The following MICAL2 variants were observed in gnomAD, a reference collection of about 807,000 sequenced individuals.
MICAL2 encodes the protein microtubule associated monooxygenase, calponin and LIM domain containing 2.
Under a neutral mutation model 127.3 loss-of-function variants are expected in MICAL2, and 77 were observed. That is an observed-to-expected ratio of 0.60 (90% CI 0.50 to 0.73). The LOEUF is 0.73. Ranked by LOEUF, MICAL2 falls within the 30% of genes least tolerant of loss-of-function variation. The pLI is 0.00. For missense variants in MICAL2, 1,351 were observed against 1,434.4 expected (o/e 0.94, Z 0.94); for synonymous variants, 570 against 551.1 (o/e 1.03, Z -0.48).
At chr11:12,312,001 T>A (rs959087051) in intron 29 of MICAL2, among the ~76,000 whole-genome samples, 1 of 151,480 alleles carries the variant, frequency 6.6e-6, no homozygotes, top group African/African-American at 2.4e-5. Flanking sequence ...CTATGTTTTT[T>A]AATTTATTAT....
intron 3 of MICAL2, among the ~76,000 whole-genome samples, chr11:12,202,964 A>C (rs1854212550): frequency 6.6e-6 from 1 of 152,170 alleles, no homozygotes; most frequent in Non-Finnish European, 1.5e-5. Flanking sequence ...CCTGGCAATC[A>C]CTAATCCACT....
At position 12,261,206 on chromosome 11, in the gene MICAL2, C is replaced by T. The variant is rs897078831; in HGVS notation, c.3335-1274C>T. The T allele has an allele frequency of 3.8e-5, 37 of 985,386 alleles. No homozygotes were observed. In the African/African-American group the frequency reaches 5.9e-4, roughly 16 times the overall value. 61.0% of individuals were successfully genotyped at this position (985,386 alleles called of 1,614,324 possible). A position where few individuals can be genotyped will look rare whatever the true frequency, so the allele number is the denominator to read the frequency against. On this transcript the variant is annotated intron_variant, in intron 26 of 27. Transcript: ENST00000683283. ...CTGCCCAGTGAGCATTGCCTGTGGA[C>T]ATCCTGACTGCTTAGCTGCTCCGCT...
chr11:12,250,755 A>T (rs1861428276), intron 22 of MICAL2, among the ~76,000 whole-genome samples: 1 of 152,234 alleles, frequency 6.6e-6, no homozygotes, highest in Admixed American at 6.5e-5. Flanking sequence ...AGAGGCTGGA[A>T]CATGATCATC....
chr11:12,301,104 A>G (rs1215156409), intron 29 of MICAL2, among the ~76,000 whole-genome samples: 1 of 152,204 alleles, frequency 6.6e-6, no homozygotes, highest in Non-Finnish European at 1.5e-5. Context: ...GGAAGATGTG[A>G]AAGAGTAAAC....
exon 32 of MICAL2, chr11:12,327,241 G>A (rs1864363659): frequency 6.4e-7 from 1 of 1,551,024 alleles, no homozygotes; most frequent in Non-Finnish European, 8.7e-7. Context: ...GTGTGAGGCT[G>A]GAGAAGGCGT....
intron 1 of MICAL2, among the ~76,000 whole-genome samples, chr11:12,126,517 G>A (rs796229147): frequency 9.9e-5 from 15 of 152,204 alleles, no homozygotes; most frequent in African/African-American, 3.4e-4. Flanking sequence ...GGCCAGTCCA[G>A]GTACCTATAA....
chr11:12,203,520 G>C (rs1246774540), intron 3 of MICAL2, among the ~76,000 whole-genome samples: 5 of 152,164 alleles, frequency 3.3e-5, no homozygotes, highest in Non-Finnish European at 7.4e-5. Flanking sequence ...ATGGGGTTGA[G>C]CATCTTTTCA....
intron 1 of MICAL2, among the ~76,000 whole-genome samples, chr11:12,123,445 T>C (rs1850671438): frequency 6.6e-6 from 1 of 152,226 alleles, no homozygotes; most frequent in Admixed American, 6.5e-5. Context: ...GTTCTGGTGT[T>C]TTCTTGATTT....
intron 29 of MICAL2, among the ~76,000 whole-genome samples, chr11:12,305,134 A>G (rs1314499520): frequency 6.6e-6 from 1 of 152,174 alleles, no homozygotes; most frequent in Non-Finnish European, 1.5e-5. Flanking sequence ...TGCTATAAAT[A>G]TACTACCCAA....
At chr11:12,288,990 GT>G (rs1863860799), downstream of MICAL2, among the ~76,000 whole-genome samples, 1 of 152,242 alleles carries the variant, frequency 6.6e-6, no homozygotes, top group African/African-American at 2.4e-5. Flanking sequence ...CATCCCTCCT[GT>G]CCAGAGGCAT....
chr11:12,207,333 G>A (rs1408229841), intron 4 of MICAL2, among the ~76,000 whole-genome samples: 1 of 152,196 alleles, frequency 6.6e-6, no homozygotes, highest in Admixed American at 6.5e-5. Flanking sequence ...TAAATACTAA[G>A]TAAGTCAAAC....
chr11:12,239,217 T>A (rs1300634032), intron 16 of MICAL2, among the ~76,000 whole-genome samples: 1 of 152,172 alleles, frequency 6.6e-6, no homozygotes, highest in Non-Finnish European at 1.5e-5. Flanking sequence ...CCCAACCACC[T>A]GGCTCCCAAG....
chr11:12,312,583 G>A (rs1027058724), intron 29 of MICAL2, among the ~76,000 whole-genome samples: 2 of 152,146 alleles, frequency 1.3e-5, no homozygotes, highest in African/African-American at 4.8e-5. Flanking sequence ...ACAAAAGGCA[G>A]TTTAACAGGA....
chr11:12,351,399 G>A (rs1195365163), intron 33 of MICAL2, among the ~76,000 whole-genome samples: 4 of 152,150 alleles, frequency 2.6e-5, no homozygotes, highest in African/African-American at 9.7e-5. Flanking sequence ...GGGCAGGGGT[G>A]CTACTGATAT....
chr11:12,170,149 T>A (rs1401856931), intron 3 of MICAL2, among the ~76,000 whole-genome samples: 1 of 152,140 alleles, frequency 6.6e-6, no homozygotes, highest in Non-Finnish European at 1.5e-5. Flanking sequence ...TATACATCGT[T>A]TCATTAAGAG....
Position 12,223,421 on chromosome 11 carries a change from T to G in MICAL2, c.1460T>G (p.Leu487Trp), listed in dbSNP as rs1857055203. The G allele has an allele frequency of 5.0e-6, 8 of 1,613,756 alleles. No homozygotes were observed. The highest frequency in any genetic ancestry group is 2.2e-5 in the East Asian group (1 of 44,866). Residue 487 changes from leucine to tryptophan, a missense_variant, in exon 12 of 28, where the codon TTG becomes TGG. Leu to Trp is a moderately conservative substitution (Grantham distance 61). This residue lies in a region of MICAL2 where 599 missense variants were observed against 714.9 expected (regional missense o/e 0.84). Transcript: ENST00000683283. ...HCVRPHQVKH[L>W]YITKELEHYP... ...CTCTCTTGCTCATAGGTGAAGCATT[T>G]GTATATCACTAAGGAGCTGGAGCAC...
intron 2 of MICAL2, among the ~76,000 whole-genome samples, chr11:12,281,419 C>G (rs1863769855): frequency 6.6e-6 from 1 of 152,146 alleles, no homozygotes; most frequent in Admixed American, 6.5e-5. Flanking sequence ...GCTCTCCTGC[C>G]TCCTGTATGG....
intron 29 of MICAL2, among the ~76,000 whole-genome samples, chr11:12,315,269 TA>T (rs1864219506): frequency 6.6e-6 from 1 of 152,224 alleles, no homozygotes. Context: ...ACAGTATGCT[TA>T]AATCATTGAT....
chr11:12,137,479 A>G (rs1321192616), intron 1 of MICAL2, among the ~76,000 whole-genome samples: 1 of 152,206 alleles, frequency 6.6e-6, no homozygotes, highest in Non-Finnish European at 1.5e-5. Context: ...GTCTCCACCC[A>G]TGACAGTACA....
Sources: gnomAD v4.1 joint callset for allele counts (sites outside exome capture counted in the v4.1 genomes callset) on GRCh38, gnomAD v4.1.1 for gene constraint, gnomAD v4.1.1 regional missense constraint, MANE v1.5 for transcripts, NCBI Gene and HGNC (gene_info 2026-07-23, HGNC 2026-07-21) for gene names.